The following CDKL4 variants were observed in gnomAD, a reference collection of about 807,000 sequenced individuals.
CDKL4 encodes cyclin-dependent kinase-like 4.
Under a neutral mutation model 42.0 loss-of-function variants are expected in CDKL4, and 44 were observed. That is an observed-to-expected ratio of 1.05 (90% CI 0.82 to 1.35). CDKL4 has a LOEUF of 1.35. Ranked by LOEUF, CDKL4 falls within the 40% of genes most tolerant of loss-of-function variation. The probability of loss-of-function intolerance (pLI) is 0.00; values close to 1 mark genes in which losing one functional copy is unlikely to be tolerated. For missense variants in CDKL4, 393 were observed against 369.9 expected (o/e 1.06, Z -0.51); for synonymous variants, 120 against 121.6 (o/e 0.99, Z 0.09).
At position 39,213,381 on chromosome 2, in the gene CDKL4, A is replaced by T; in HGVS notation, c.363+19T>A. 6.9e-7 allele frequency: 1 copy of T among 1,454,644 alleles called. No individual in the cohort carries two copies. Among genetic ancestry groups the T allele is most frequent in the Non-Finnish European group, 9.6e-7 (1 of 1,040,210 alleles). 90.1% of individuals were successfully genotyped at this position (1,454,644 alleles called of 1,614,324 possible). A position where few individuals can be genotyped will look rare whatever the true frequency, so the allele number is the denominator to read the frequency against. On this transcript the variant is annotated intron_variant, in intron 4 of 9. Transcript: ENST00000451199. ...TCATCATGAAGAAATGAATAAATAC[A>T]TTAGAAAATGTTACTTACGTTATGT...
At position 39,227,066 on chromosome 2, in the gene CDKL4, G is replaced by A. The variant is rs140837098; in HGVS notation, c.169-1106C>T. Among the ~76,000 whole-genome samples the A allele has an allele frequency of 3.9e-4, 59 of 152,270 alleles. 1 individual carries two copies. Among genetic ancestry groups the A allele is most frequent in the African/African-American group, 1.3e-3 (56 of 41,558 alleles). On this transcript the variant is annotated intron_variant, in intron 2 of 9. Coordinates refer to ENST00000451199, the Ensembl canonical transcript of CDKL4. Reference sequence around the variant, plus strand: ...TTCTCAATGTGCTCGGATTACAGGCGTGAGCCATTGGGCCTGGCCACACCA... The same window carrying A: ...TTCTCAATGTGCTCGGATTACAGGCATGAGCCATTGGGCCTGGCCACACCA...
intron 4 of CDKL4, among the ~76,000 whole-genome samples, chr2:39,212,584 T>C (rs1274210050): frequency 6.6e-6 from 1 of 151,576 alleles, no homozygotes; most frequent in African/African-American, 2.4e-5. Context: ...TGCTATCGAG[T>C]AAAGGACTTA....
intron 3 of CDKL4, among the ~76,000 whole-genome samples, chr2:39,223,715 T>G (rs904142899): frequency 1.3e-5 from 2 of 151,142 alleles, no homozygotes; most frequent in Admixed American, 6.6e-5. Context: ...TGAGCTCAAG[T>G]GATCCTCCTA....
intron 2 of CDKL4, among the ~76,000 whole-genome samples, chr2:39,228,796 T>G (rs1042781546): frequency 6.6e-6 from 1 of 152,212 alleles, no homozygotes; most frequent in African/African-American, 2.4e-5. Flanking sequence ...TGTAAGATAT[T>G]TAGCGTAAGA....
intron 1 of CDKL4, among the ~76,000 whole-genome samples, chr2:39,240,557 T>C (rs1300860514): frequency 3.3e-5 from 5 of 151,310 alleles, no homozygotes; most frequent in African/African-American, 1.2e-4. Context: ...GGTCCCTATA[T>C]GGAAAACAAT....
At chr2:39,213,805 G>A (rs1677737658) in intron 3 of CDKL4, among the ~76,000 whole-genome samples, 1 of 152,098 alleles carries the variant, frequency 6.6e-6, no homozygotes, top group African/African-American at 2.4e-5. Flanking sequence ...GTCAAATCTT[G>A]CTACCCCAAA....
Position 39,185,234 on chromosome 2 carries a change from A to G in CDKL4, c.736-587T>C, listed in dbSNP as rs190942369. ...TATATATACATATATACACATACGT[A>G]TATATACATATATACACATATGTAT... On this transcript the variant is annotated intron_variant, in intron 7 of 9. Coordinates refer to ENST00000451199, the Ensembl canonical transcript of CDKL4. 6.8e-3 allele frequency among the ~76,000 whole-genome samples: 78 copies of G among 11,552 alleles called. 17 individuals are homozygous for G. The highest frequency in any genetic ancestry group is 0.013 in the East Asian group (5 of 398). The allele number at this position is 11,552 out of a possible 152,430, so 7.6% of individuals were successfully genotyped here. A position where few individuals can be genotyped will look rare whatever the true frequency, so the allele number is the denominator to read the frequency against.
At position 39,184,649 on chromosome 2, in the gene CDKL4, T is replaced by C. The variant is rs1486697880; in HGVS notation, c.736-2A>G. On this transcript the variant is annotated splice_acceptor_variant, in intron 7 of 9. Transcript: ENST00000451199. LOFTEE classifies it high-confidence loss of function. ...TGAGAACTTTTCCTCAAGAGTTTCC[T>C]GAAAAACAAGGTTAAAACATTCAAT... The C allele has an allele frequency of 1.9e-6, 3 of 1,607,616 alleles. No individual in the cohort carries two copies. Among genetic ancestry groups the C allele is most frequent in the Non-Finnish European group, 2.6e-6 (3 of 1,175,846 alleles).
At chr2:39,213,509 AG>A (rs1289441110) in intron 3 of CDKL4, 37 bp from the exon 4 acceptor site, 3 of 1,424,004 alleles carry the variant, frequency 2.1e-6, no homozygotes, top group Middle Eastern at 1.7e-4. Context: ...GAAAACTCAT[AG>A]GATAGAGTTC....
intron 7 of CDKL4, 24 bp from the exon 8 acceptor site, chr2:39,184,671 C>A: frequency 1.3e-6 from 2 of 1,538,756 alleles, no homozygotes; most frequent in Non-Finnish European, 1.8e-6. Context: ...TTAAAACATT[C>A]AATATTACAT....
intron 9 of CDKL4, among the ~76,000 whole-genome samples, 156 bp from the exon 10 acceptor site, chr2:39,176,252 T>A (rs1675162244): frequency 6.6e-6 from 1 of 152,186 alleles, no homozygotes; most frequent in African/African-American, 2.4e-5. Context: ...TTTCCAAAAA[T>A]TGAGATTCTC....
intron 3 of CDKL4, among the ~76,000 whole-genome samples, chr2:39,220,972 C>T (rs1271836603): frequency 7.9e-5 from 6 of 75,684 alleles, no homozygotes; most frequent in Non-Finnish European, 1.4e-4. Flanking sequence ...ACTACATCGA[C>T]GATCTTTTTT....
At chr2:39,220,055 A>G (rs78539550) in intron 3 of CDKL4, among the ~76,000 whole-genome samples, 3,249 of 152,224 alleles carry the variant, frequency 0.021, 107 homozygotes, top group African/African-American at 0.074. Context: ...ACAGACAATA[A>G]CCCTGCAGGG....
At chr2:39,225,727 A>G in intron 3 of CDKL4, 112 bp downstream of exon 3, 6 of 1,048,456 alleles carry the variant, frequency 5.7e-6, no homozygotes, top group Non-Finnish European at 5.4e-6. Flanking sequence ...AGCCAGATGC[A>G]TTGTGGTAGA....
intron 3 of CDKL4, among the ~76,000 whole-genome samples, chr2:39,215,715 A>G (rs1677875789): frequency 6.6e-6 from 1 of 152,218 alleles, no homozygotes; most frequent in Non-Finnish European, 1.5e-5. Flanking sequence ...TAGCTACAAG[A>G]GTCTGAAGTA....
At chr2:39,207,988 G>C (rs1217029201) in intron 4 of CDKL4, among the ~76,000 whole-genome samples, 1 of 152,090 alleles carries the variant, frequency 6.6e-6, no homozygotes, top group Admixed American at 6.5e-5. Flanking sequence ...TGTAATCCCA[G>C]CTACTCGGGA....
chr2:39,192,361 T>A (rs921734529), intron 5 of CDKL4, among the ~76,000 whole-genome samples: 1 of 152,058 alleles, frequency 6.6e-6, no homozygotes, highest in African/African-American at 2.4e-5. Context: ...TACAGCATAG[T>A]TCTGAGTACC....
chr2:39,225,058 A>G (rs1678613461), intron 3 of CDKL4, among the ~76,000 whole-genome samples: 1 of 152,180 alleles, frequency 6.6e-6, no homozygotes, highest in South Asian at 2.1e-4. Flanking sequence ...GACAGCTGAC[A>G]TCCTTGTCTT....
At chr2:39,226,441 T>TATATTATATATATATTATAC in intron 2 of CDKL4, among the ~76,000 whole-genome samples, 1 of 136,924 alleles carries the variant, frequency 7.3e-6, no homozygotes, top group East Asian at 2.0e-4. Context: ...ATAAATTATA[T>TATATTATATATATATTATAC]ATATTATATA....
Sources: gnomAD v4.1 joint callset for allele counts (sites outside exome capture counted in the v4.1 genomes callset) on GRCh38, gnomAD v4.1.1 for gene constraint, MANE v1.5 for transcripts, NCBI Gene and HGNC (gene_info 2026-07-23, HGNC 2026-07-21) for gene names.